The following HERC1 variants were observed in gnomAD, a reference collection of about 807,000 sequenced individuals.
HERC1 encodes HECT and RLD domain containing E3 ubiquitin protein ligase family member 1, also known as probable E3 ubiquitin-protein ligase HERC1.
Under a neutral mutation model 554.3 loss-of-function variants are expected in HERC1, and 160 were observed. The observed-to-expected ratio is 0.29, with a 90% CI of 0.25 to 0.33. The LOEUF (loss-of-function observed/expected upper bound fraction) is 0.33. HERC1 is among the 10% of genes least tolerant of loss of function. The pLI is 1.00. For synonymous variants in HERC1, 2,175 were observed against 2,131.7 expected (o/e 1.02, Z -0.56); for missense variants, 4,919 against 5,918.5 (o/e 0.83, Z 5.54).
intron 42 of HERC1, 137 bp from the exon 43 acceptor site, chr15:63,664,731 C>T (rs1319484845): frequency 1.4e-6 from 1 of 711,996 alleles, no homozygotes. Context: ...TGAAACACAT[C>T]TTTATCCCTT....
At position 63,727,410 on chromosome 15, in the gene HERC1, T is replaced by C. The variant is rs942896911; in HGVS notation, c.3346+237A>G. Among the ~76,000 whole-genome samples, 1 of 152,216 alleles carries C rather than the reference T, an allele frequency of 6.6e-6. No individual in the cohort carries two copies. The highest frequency in any genetic ancestry group is 2.4e-5 in the African/African-American group (1 of 41,456). On this transcript the variant is annotated intron_variant, in intron 17 of 77. Transcript: ENST00000443617. The surrounding 1 kb of genome is among the most constrained non-coding windows in gnomAD (Gnocchi z 4.3). ...TGAACTGTATAATGTTAAAATAAGATAGGCCCTCAAGGTCATCTTTCCAAC... is the reference window on the plus strand; with the variant it reads ...TGAACTGTATAATGTTAAAATAAGACAGGCCCTCAAGGTCATCTTTCCAAC...
intron 14 of HERC1, among the ~76,000 whole-genome samples, chr15:63,731,798 G>C (rs1009957686): frequency 6.6e-6 from 1 of 152,194 alleles, no homozygotes. Flanking sequence ...TGTAAGTGCT[G>C]ATGAGTACAG....
chr15:63,797,912 G>C (rs1203819156), intron 1 of HERC1, among the ~76,000 whole-genome samples: 1 of 152,208 alleles, frequency 6.6e-6, no homozygotes, highest in Non-Finnish European at 1.5e-5. Context: ...GAATGGCAGA[G>C]TCAGGATGTG....
chr15:63,639,873 G>A (rs142352530), intron 61 of HERC1, among the ~76,000 whole-genome samples: 1 of 152,256 alleles, frequency 6.6e-6, no homozygotes, highest in African/African-American at 2.4e-5. Context: ...CACTAACAAA[G>A]TACCTATGGA....
intron 32 of HERC1, among the ~76,000 whole-genome samples, chr15:63,690,150 G>C (rs892755968): frequency 2.8e-5 from 4 of 142,136 alleles, no homozygotes; most frequent in South Asian, 4.4e-4. Context: ...CTGGGCGACA[G>C]AGCGAGACTC....
intron 51 of HERC1, 56 bp from the exon 52 acceptor site, chr15:63,652,597 T>C: frequency 1.5e-6 from 2 of 1,366,986 alleles, no homozygotes; most frequent in Non-Finnish European, 2.0e-6. Context: ...ATTTTATTAT[T>C]TGAAAAAGTT....
intron 19 of HERC1, among the ~76,000 whole-genome samples, chr15:63,719,904 C>G (rs1252737092): frequency 2.0e-5 from 3 of 152,000 alleles, no homozygotes; most frequent in Non-Finnish European, 4.4e-5. Context: ...ATTAGACATT[C>G]TAGAGGAGAT....
Position 63,716,383 on chromosome 15 carries a change from C to A in HERC1, c.4069G>T (p.Ala1357Ser). 6.2e-7 allele frequency: 1 copy of A among 1,613,826 alleles called. No individual in the cohort carries two copies. The highest frequency in any genetic ancestry group is 1.3e-5 in the African/African-American group (1 of 74,990). ...IDEEAEMEEQ[A>S]ERDREEGHPE... ...TGCCCCTCTTCCCGGTCTCTCTCAG[C>A]CTGTTCTTCCATTTCAGCTTCTTCA... Residue 1357 changes from alanine to serine, a missense_variant, in exon 22 of 78, where the codon GCT (alanine) becomes TCT (serine). Ala to Ser is a moderately conservative substitution (Grantham distance 99, BLOSUM62 1). Around this residue, in one of 11 missense-constraint regions of HERC1, gnomAD observed 1,121 missense variants for 1,244.0 expected, o/e 0.90. Transcript: ENST00000443617.
At chr15:63,629,955 T>G (rs1041896043) in intron 69 of HERC1, among the ~76,000 whole-genome samples, 37 of 152,140 alleles carry the variant, frequency 2.4e-4, no homozygotes, top group African/African-American at 8.7e-4. Context: ...TATCAGTATC[T>G]CAGAGGCTCA....
intron 1 of HERC1, chr15:63,779,884 C>T (rs8040381): frequency 0.48 from 72,440 of 151,380 alleles, 18,268 homozygotes; most frequent in Non-Finnish European, 0.55. Context: ...AGTGGTGGTG[C>T]GCGCCTGTAG....
chr15:63,609,991 C>T (rs2067519049), intron 77 of HERC1, among the ~76,000 whole-genome samples: 1 of 152,136 alleles, frequency 6.6e-6, no homozygotes, highest in Non-Finnish European at 1.5e-5. Flanking sequence ...AGGAATTTCA[C>T]AAAGGTAAAA....
chr15:63,712,104 T>C (rs1488212926), intron 24 of HERC1, among the ~76,000 whole-genome samples: 1 of 152,228 alleles, frequency 6.6e-6, no homozygotes, highest in Non-Finnish European at 1.5e-5. Context: ...GCTTTTTTGA[T>C]AGTTAACAGA....
At position 63,680,200 on chromosome 15, in the gene HERC1, G is replaced by T; in HGVS notation, c.6466-40C>A. The T allele has an allele frequency of 1.3e-6, 2 of 1,518,176 alleles. No homozygotes were observed. The highest frequency in any genetic ancestry group is 1.8e-6 in the Non-Finnish European group (2 of 1,102,242). 94.0% of individuals were successfully genotyped at this position (1,518,176 alleles called of 1,614,324 possible). A position where few individuals can be genotyped will look rare whatever the true frequency, so the allele number is the denominator to read the frequency against. On this transcript the variant is annotated intron_variant, in intron 35 of 77. Coordinates refer to ENST00000443617, the MANE Select transcript of HERC1 (RefSeq NM_003922.4). This position sits in a 1 kb window ranked among gnomAD's most constrained non-coding sequence, Gnocchi z 5.8. ...CAGTGAGGAAAAGAAAAAGGAAATA[G>T]AAATTTTTTTAATTCACAATATCTA...
intron 33 of HERC1, 127 bp from the exon 34 acceptor site, chr15:63,686,662 A>G (rs2071780094): frequency 1.4e-6 from 1 of 718,062 alleles, no homozygotes; most frequent in Non-Finnish European, 2.2e-6. Flanking sequence ...GTTACTGTGC[A>G]GGGCAACAGG....
At chr15:63,667,386 G>A (rs1225354500) in intron 40 of HERC1, among the ~76,000 whole-genome samples, 3 of 152,134 alleles carry the variant, frequency 2.0e-5, no homozygotes, top group Admixed American at 6.5e-5. Context: ...AGGAAAGATT[G>A]AGCATGTGAA....
chr15:63,754,364 T>C, intron 7 of HERC1, 141 bp downstream of exon 7: 1 of 489,058 alleles, frequency 2.0e-6, no homozygotes, highest in Non-Finnish European at 3.4e-6. Flanking sequence ...TAAAGTAACA[T>C]TTGTAAAAGC....
chr15:63,784,606 T>A (rs63269861), intron 1 of HERC1, among the ~76,000 whole-genome samples: 1 of 8,850 alleles, frequency 1.1e-4, no homozygotes, highest in Non-Finnish European at 8.7e-4. Flanking sequence ...ATCATGCAAA[T>A]TTTTTTTTTT....
At chr15:63,641,889 G>GA (rs2069081401) in intron 59 of HERC1, among the ~76,000 whole-genome samples, 1 of 151,608 alleles carries the variant, frequency 6.6e-6, no homozygotes, top group Non-Finnish European at 1.5e-5. Flanking sequence ...ACTTTTTAAG[G>GA]AAAAAATGTC....
chr15:63,720,257 C>T (rs1376033422), intron 19 of HERC1, among the ~76,000 whole-genome samples: 3 of 151,726 alleles, frequency 2.0e-5, no homozygotes, highest in Non-Finnish European at 4.4e-5. Flanking sequence ...GCATGAGCTA[C>T]CACACTCGGC....
Sources: allele counts gnomAD v4.1 joint callset (sites outside exome capture counted in the v4.1 genomes callset), GRCh38; gene constraint gnomAD v4.1.1; regional missense constraint gnomAD v4.1.1; non-coding constraint Gnocchi (gnomAD v3.1); transcripts MANE v1.5; gene names NCBI Gene and HGNC (gene_info 2026-07-23, HGNC 2026-07-21).